Variants in IFI16 observed in about 807,000 individuals in gnomAD.
IFI16 encodes gamma-interferon-inducible protein 16.
A neutral mutation model predicts 68.4 loss-of-function variants in IFI16; 49 were observed. The observed-to-expected ratio is 0.72, with a 90% CI of 0.57 to 0.91. The LOEUF is 0.91. Ranked by LOEUF, IFI16 falls within the 40% of genes least tolerant of loss-of-function variation. The pLI is 0.00. For synonymous variants in IFI16, 307 were observed against 315.0 expected, an observed-to-expected ratio of 0.97 and a Z score of 0.27; for missense variants, 878 against 942.9, an observed-to-expected ratio of 0.93 and a Z score of 0.90.
chr1:159,025,837 T>A (rs1347669409), intron 6 of IFI16, among the ~76,000 whole-genome samples: 1 of 152,240 alleles, frequency 6.6e-6, no homozygotes, highest in Non-Finnish European at 1.5e-5. Context: ...CATCTTGAGT[T>A]GATTTTTGTA....
chr1:159,051,772 G>A lies in IFI16; in HGVS notation c.1759G>A (p.Glu587Lys). 4 of 1,614,110 alleles carry A rather than the reference G, an allele frequency of 2.5e-6. No individual in the cohort carries two copies. The highest frequency in any genetic ancestry group is 3.4e-6 in the Non-Finnish European group (4 of 1,179,932). The change falls in exon 10 of 12, where the codon GAA becomes AAA. Residue 587 changes from glutamate to lysine, a missense_variant. By Grantham distance (56) the Glu-to-Lys change is moderately conservative. Around this residue, in one of 4 missense-constraint regions of IFI16, gnomAD observed 311 missense variants for 305.1 expected, o/e 1.02. Transcript: ENST00000295809. Reference sequence around the variant, plus strand: ...AGAAGTGATGGTGCTGAACGCAACAGAATCATTTGTATATGAGCCCAAAGA... The same window carrying A: ...AGAAGTGATGGTGCTGAACGCAACAAAATCATTTGTATATGAGCCCAAAGA... The part of the protein sequence containing the change: ...LKEVMVLNAT[E>K]SFVYEPKEQK...
At chr1:159,042,689 T>C (rs904625088) in intron 7 of IFI16, among the ~76,000 whole-genome samples, 1 of 152,218 alleles carries the variant, frequency 6.6e-6, no homozygotes, top group Non-Finnish European at 1.5e-5. Flanking sequence ...CTTTAGAGCA[T>C]TTATCATAGC....
At chr1:159,053,869 C>G in intron 11 of IFI16, 145 bp downstream of exon 11, 1 of 518,862 alleles carries the variant, frequency 1.9e-6, no homozygotes, top group East Asian at 3.2e-5. Context: ...AAACTTCCCA[C>G]CATTGTTTTT....
In IFI16 at chr1:159,032,663, C is replaced by T. The variant is rs756858574; in HGVS notation, c.1301C>T (p.Thr434Ile). 3 of 1,602,612 alleles carry T rather than the reference C, an allele frequency of 1.9e-6. No homozygotes were observed. Among genetic ancestry groups the T allele is most frequent in the Non-Finnish European group, 2.6e-6 (3 of 1,176,062 alleles). Reference sequence around the variant, plus strand: ...CTTCGGACTCCTCAGATGCCACCAACAACTCCATCCAGCAGTTTCTTCACC... The same window carrying T: ...CTTCGGACTCCTCAGATGCCACCAATAACTCCATCCAGCAGTTTCTTCACC... ...SHLRTPQMPP[T>I]TPSSSFFTKK... The change falls in exon 7 of 12, where the codon ACA becomes ATA. Residue 434 changes from threonine to isoleucine, a missense_variant. Thr to Ile is a moderately conservative substitution (Grantham distance 89). Around this residue, in one of 4 missense-constraint regions of IFI16, gnomAD observed 443 missense variants for 421.8 expected, o/e 1.05. Transcript: ENST00000295809.
At chr1:159,006,802 A>G (rs1273729567), upstream of IFI16, among the ~76,000 whole-genome samples, 2 of 152,096 alleles carry the variant, frequency 1.3e-5, no homozygotes, top group African/African-American at 4.8e-5. Flanking sequence ...AACTACATTC[A>G]CCCTTGGTGC....
intron 7 of IFI16, 61 bp from the exon 8 acceptor site, chr1:159,045,236 T>C (rs1413625109): frequency 1.2e-6 from 1 of 813,656 alleles, no homozygotes; most frequent in Non-Finnish European, 1.9e-6. Context: ...AAAAGATGTG[T>C]TTCATCTGAT....
At chr1:159,005,129 G>T (rs1358882770), upstream of IFI16, among the ~76,000 whole-genome samples, 1 of 152,198 alleles carries the variant, frequency 6.6e-6, no homozygotes, top group Non-Finnish European at 1.5e-5. Flanking sequence ...CGTTTGTCAT[G>T]TGAGGACACA....
At chr1:159,035,446 A>T (rs1654264887) in intron 7 of IFI16, among the ~76,000 whole-genome samples, 1 of 152,214 alleles carries the variant, frequency 6.6e-6, no homozygotes, top group African/African-American at 2.4e-5. Context: ...CACCTGCTAA[A>T]ATATGAATCA....
At chr1:159,030,761 G>T (rs1389556492) in intron 6 of IFI16, among the ~76,000 whole-genome samples, 1 of 151,474 alleles carries the variant, frequency 6.6e-6, no homozygotes, top group Non-Finnish European at 1.5e-5. Flanking sequence ...TGTGTTGGTT[G>T]TCCTCCAGCC....
chr1:159,050,787 A>G (rs1313119702), intron 9 of IFI16, among the ~76,000 whole-genome samples: 1 of 151,582 alleles, frequency 6.6e-6, no homozygotes, highest in Non-Finnish European at 1.5e-5. Context: ...CACGTCCATG[A>G]CTCTTTTTAG....
At position 159,049,519 on chromosome 1, in the gene IFI16, A is replaced by G; in HGVS notation, c.1585A>G (p.Thr529Ala). The G allele has an allele frequency of 6.2e-7, 1 of 1,604,756 alleles. No individual in the cohort carries two copies. The highest frequency in any genetic ancestry group is 2.2e-5 in the East Asian group (1 of 44,784). The change falls in exon 9 of 12, where the codon ACC becomes GCC. Residue 529 changes from threonine to alanine, a missense_variant. Thr to Ala is a moderately conservative substitution (Grantham distance 58). Around this residue, in one of 4 missense-constraint regions of IFI16, gnomAD observed 59 missense variants for 119.0 expected, o/e 0.50. Transcript: ENST00000295809. ...GAGTCATTTTCCAGGACCGTTCATG[A>G]CCAGCATAGGCCCAGCTGAGAGCCA... The part of the protein sequence containing the change: ...EGSHFPGPFM[T>A]SIGPAESHPH...
intron 11 of IFI16, 39 bp from the exon 12 acceptor site, chr1:159,054,782 C>T (rs1655579631): frequency 1.1e-5 from 11 of 1,039,374 alleles, no homozygotes; most frequent in Non-Finnish European, 1.6e-5. Context: ...GGATCATCAG[C>T]ATCTCAACTG....
upstream of IFI16, among the ~76,000 whole-genome samples, chr1:159,004,533 T>C (rs1400163852): frequency 6.6e-6 from 1 of 152,132 alleles, no homozygotes; most frequent in Non-Finnish European, 1.5e-5. Flanking sequence ...GGTGAAACCT[T>C]GTCTTTACTG....
chr1:159,052,879 TC>T (rs1655450143), intron 10 of IFI16: 1 of 152,272 alleles, frequency 6.6e-6, no homozygotes, highest in Non-Finnish European at 1.5e-5. Context: ...TGTTTCATAC[TC>T]CATTATACAT....
upstream of IFI16, among the ~76,000 whole-genome samples, chr1:159,006,401 A>T (rs1170782412): frequency 1.3e-5 from 2 of 152,190 alleles, no homozygotes; most frequent in Admixed American, 6.5e-5. Flanking sequence ...TTGTAATTAG[A>T]TATAGGGTCT....
At chr1:159,026,791 G>T (rs985601548) in intron 6 of IFI16, among the ~76,000 whole-genome samples, 1 of 152,132 alleles carries the variant, frequency 6.6e-6, no homozygotes, top group Non-Finnish European at 1.5e-5. Flanking sequence ...TTGTGAAAAT[G>T]GTTGAGTTCT....
At chr1:159,008,157 A>C (rs3754466), upstream of IFI16, among the ~76,000 whole-genome samples, 7,499 of 152,194 alleles carry the variant, frequency 0.049, 442 homozygotes, top group East Asian at 0.26. Flanking sequence ...GAAATGGAAC[A>C]CTCATTGTTC....
In IFI16 at chr1:159,014,874, TAATA is replaced by T; in HGVS notation, c.197_200del (p.Ile66LysfsTer21). 1.2e-6 allele frequency: 2 copies of T among 1,613,930 alleles called. No homozygotes were observed. The highest frequency in any genetic ancestry group is 1.7e-6 in the Non-Finnish European group (2 of 1,179,946). Reference sequence around the variant, plus strand: ...CGAGGTGATGCTGGTTTGGGCAAACTAATAAAAATTTTCGAAGATATACCAACGC... The same window carrying T: ...CGAGGTGATGCTGGTTTGGGCAAACTAAAATTTTCGAAGATATACCAACGC... On this transcript the variant is annotated frameshift_variant, in exon 2 of 12. Transcript: ENST00000295809. LOFTEE classifies it high-confidence loss of function.
chr1:159,036,121 G>A (rs1654317569), intron 7 of IFI16, among the ~76,000 whole-genome samples: 1 of 152,140 alleles, frequency 6.6e-6, no homozygotes. Flanking sequence ...TGCAGAGACA[G>A]TGTAACAACA....
Sources: allele counts gnomAD v4.1 joint callset (sites outside exome capture counted in the v4.1 genomes callset), GRCh38; gene constraint gnomAD v4.1.1; regional missense constraint gnomAD v4.1.1; transcripts MANE v1.5; gene names NCBI Gene and HGNC (gene_info 2026-07-23, HGNC 2026-07-21).